The following PDE10A variants were observed in gnomAD, a reference collection of about 807,000 sequenced individuals.
PDE10A encodes the protein phosphodiesterase 10A, also known as cAMP and cAMP-inhibited cGMP 3',5'-cyclic phosphodiesterase 10A.
A neutral mutation model predicts 97.7 loss-of-function variants in PDE10A; 39 were observed. The observed-to-expected ratio is 0.40, with a 90% CI of 0.31 to 0.52. The LOEUF (loss-of-function observed/expected upper bound fraction) is 0.52, where lower values mean the gene tolerates loss of function less well. PDE10A is among the 20% of genes least tolerant of loss of function. The probability of loss-of-function intolerance (pLI) is 0.56; values close to 1 mark genes in which losing one functional copy is unlikely to be tolerated. For synonymous variants in PDE10A, 371 were observed against 376.8 expected, an observed-to-expected ratio of 0.98 and a Z score of 0.18; for missense variants, 731 against 1,047.8, an observed-to-expected ratio of 0.70 and a Z score of 4.17.
intron 1 of PDE10A, among the ~76,000 whole-genome samples, chr6:165,866,674 C>CA (rs1474307720): frequency 3.2e-4 from 8 of 24,796 alleles, no homozygotes; most frequent in African/African-American, 1.5e-3. Flanking sequence ...AGCAAAAAAA[C>CA]AACAAAAAAG....
chr6:165,829,651 G>A (rs2128470788), intron 1 of PDE10A, among the ~76,000 whole-genome samples: 1 of 152,292 alleles, frequency 6.6e-6, no homozygotes, highest in South Asian at 2.1e-4. Context: ...AAAGTGATCG[G>A]ATCTCTCGAT....
At chr6:165,975,328 A>C (rs1784817071) in intron 1 of PDE10A, among the ~76,000 whole-genome samples, 1 of 152,198 alleles carries the variant, frequency 6.6e-6, no homozygotes, top group Admixed American at 6.5e-5. Flanking sequence ...AATTTATTCC[A>C]GGTGCAGTGG....
At chr6:165,984,691 T>C (rs1785130153) in intron 1 of PDE10A, among the ~76,000 whole-genome samples, 1 of 96,820 alleles carries the variant, frequency 1.0e-5, no homozygotes, top group African/African-American at 3.6e-5. Context: ...CTTGAATTTC[T>C]TACCAAATGC....
chr6:165,852,598 G>A (rs895431421), intron 1 of PDE10A, among the ~76,000 whole-genome samples: 1 of 152,238 alleles, frequency 6.6e-6, no homozygotes, highest in African/African-American at 2.4e-5. Flanking sequence ...CAGAGTCGTA[G>A]GACTGCCTTT....
chr6:165,967,238 C>T (rs966610974), intron 1 of PDE10A, among the ~76,000 whole-genome samples: 1 of 152,186 alleles, frequency 6.6e-6, no homozygotes, highest in Non-Finnish European at 1.5e-5. Flanking sequence ...GTGGTTCACG[C>T]CTGTAATCTT....
intron 1 of PDE10A, among the ~76,000 whole-genome samples, chr6:165,786,010 C>T (rs775275432): frequency 1.3e-5 from 2 of 152,184 alleles, no homozygotes; most frequent in Non-Finnish European, 2.9e-5. Context: ...CACCATATTC[C>T]TCATTAATGT....
At chr6:165,394,542 C>A (rs762642931) in intron 15 of PDE10A, among the ~76,000 whole-genome samples, 3 of 152,044 alleles carry the variant, frequency 2.0e-5, no homozygotes, top group Non-Finnish European at 2.9e-5. Flanking sequence ...GTGCACATGT[C>A]TTTATAGTAG....
At chr6:165,439,945 T>C (rs531940733) in intron 5 of PDE10A, among the ~76,000 whole-genome samples, 2 of 152,226 alleles carry the variant, frequency 1.3e-5, no homozygotes, top group Non-Finnish European at 2.9e-5. Flanking sequence ...TAACATTTGC[T>C]TTCATCTTTC....
intron 8 of PDE10A, among the ~76,000 whole-genome samples, chr6:165,430,789 C>T (rs1354103947): frequency 6.6e-6 from 1 of 152,000 alleles, no homozygotes; most frequent in Admixed American, 6.6e-5. Context: ...TTCTATTATC[C>T]TACAGCTCGA....
chr6:165,608,407 A>T (rs146600129), intron 1 of PDE10A, among the ~76,000 whole-genome samples: 2,423 of 152,088 alleles, frequency 0.016, 67 homozygotes, highest in African/African-American at 0.054. Flanking sequence ...GATGGTTTCC[A>T]GCTTCATCTA....
At chr6:165,708,101 G>A (rs944178584) in intron 1 of PDE10A, among the ~76,000 whole-genome samples, 2 of 152,144 alleles carry the variant, frequency 1.3e-5, no homozygotes, top group African/African-American at 4.8e-5. Flanking sequence ...TGGAAGAACT[G>A]TCTGCACGTG....
intron 5 of PDE10A, among the ~76,000 whole-genome samples, chr6:165,446,023 TAGA>T (rs1362446109): frequency 3.3e-5 from 5 of 151,946 alleles, no homozygotes; most frequent in African/African-American, 9.7e-5. Context: ...CAAAGGAACA[TAGA>T]AGAAGTATAG....
At chr6:165,927,387 T>G (rs1782969609) in intron 1 of PDE10A, among the ~76,000 whole-genome samples, 1 of 151,996 alleles carries the variant, frequency 6.6e-6, no homozygotes, top group African/African-American at 2.4e-5. Context: ...ATCAGAATGA[T>G]CATATAAAAC....
intron 1 of PDE10A, among the ~76,000 whole-genome samples, chr6:165,783,259 C>T (rs1239089710): frequency 3.3e-5 from 5 of 152,188 alleles, no homozygotes; most frequent in Admixed American, 3.3e-4. Context: ...CTAGCTGTTA[C>T]AGAATACGAA....
intron 1 of PDE10A, among the ~76,000 whole-genome samples, chr6:165,621,022 A>C (rs2128409049): frequency 6.6e-6 from 1 of 150,476 alleles, no homozygotes; most frequent in Non-Finnish European, 1.5e-5. Flanking sequence ...TCTGTCTCAA[A>C]AAAAAAAAAA....
intron 1 of PDE10A, among the ~76,000 whole-genome samples, chr6:165,802,955 G>C (rs2128465812): frequency 6.6e-6 from 1 of 152,320 alleles, no homozygotes; most frequent in African/African-American, 2.4e-5. Context: ...TTTCCGGTTA[G>C]ATTTATTTTG....
chr6:165,608,473 G>A (rs538758937), intron 1 of PDE10A, among the ~76,000 whole-genome samples: 62 of 152,036 alleles, frequency 4.1e-4, no homozygotes, highest in African/African-American at 1.4e-3. Context: ...AGTATTCCAT[G>A]GTGTATATGT....
chr6:165,760,160 T>C (rs1793215803), intron 1 of PDE10A, among the ~76,000 whole-genome samples: 1 of 152,228 alleles, frequency 6.6e-6, no homozygotes, highest in Non-Finnish European at 1.5e-5. Context: ...TATTTCATGT[T>C]CTCCTCTTAC....
intron 1 of PDE10A, among the ~76,000 whole-genome samples, chr6:165,613,666 T>A (rs190958820): frequency 1.3e-5 from 2 of 152,068 alleles, no homozygotes; most frequent in Non-Finnish European, 2.9e-5. Flanking sequence ...TAAAACACTA[T>A]TTTTCAAAAC....
Sources: gnomAD v4.1 joint callset for allele counts (sites outside exome capture counted in the v4.1 genomes callset) on GRCh38, gnomAD v4.1.1 for gene constraint, MANE v1.5 for transcripts, NCBI Gene and HGNC (gene_info 2026-07-23, HGNC 2026-07-21) for gene names.